FRY: variants seen among roughly 807,000 people sequenced by gnomAD.
The protein encoded by FRY is protein furry homolog.
In FRY, 128 loss-of-function variants were observed where a neutral mutation model predicts 348.4. The observed-to-expected ratio is 0.37, with a 90% CI of 0.32 to 0.43. The LOEUF (loss-of-function observed/expected upper bound fraction) is 0.43, where lower values mean the gene tolerates loss of function less well. Among genes scored for constraint, FRY ranks in the 20% least tolerant of loss-of-function variants. The pLI, the probability that FRY is intolerant of heterozygous loss-of-function variation, is 1.00. For synonymous variants in FRY, 1,370 were observed against 1,374.7 expected, an observed-to-expected ratio of 1.00 and a Z score of 0.08; for missense variants, 2,736 against 3,695.2, an observed-to-expected ratio of 0.74 and a Z score of 6.73.
chr13:32,212,500 T>G (rs756576125), intron 35 of FRY, 118 bp downstream of exon 35: 243 of 705,676 alleles, frequency 3.4e-4, no homozygotes, highest in Non-Finnish European at 4.0e-4. Context: ...AATCCTTCTT[T>G]GTTTTTAGAA....
chr13:32,200,355 A>G (rs1398446353), intron 29 of FRY, among the ~76,000 whole-genome samples: 3 of 152,244 alleles, frequency 2.0e-5, no homozygotes, highest in Admixed American at 6.5e-5. Context: ...TTCACCTTCA[A>G]ACTATCTTTT....
chr13:32,211,497 G>A (rs1006622167), intron 34 of FRY, among the ~76,000 whole-genome samples: 1 of 152,026 alleles, frequency 6.6e-6, no homozygotes, highest in Non-Finnish European at 1.5e-5. Flanking sequence ...GGGATCATAG[G>A]GTTAATGAAA....
At chr13:32,139,714 C>T (rs1879941711) in intron 11 of FRY, among the ~76,000 whole-genome samples, 1 of 152,168 alleles carries the variant, frequency 6.6e-6, no homozygotes, top group African/African-American at 2.4e-5. Flanking sequence ...AGCACCTTTT[C>T]ACTGAGACAT....
chr13:32,176,755 T>C (rs1404543787), intron 20 of FRY, among the ~76,000 whole-genome samples: 2 of 152,230 alleles, frequency 1.3e-5, no homozygotes, highest in Non-Finnish European at 2.9e-5. Context: ...AGCTCAGCAA[T>C]ACTGCAGTTA....
chr13:32,078,742 A>T, intron 1 of FRY, 92 bp from the exon 2 acceptor site: 2 of 965,542 alleles, frequency 2.1e-6, no homozygotes, highest in Non-Finnish European at 3.4e-6. Context: ...TCTTGATATG[A>T]TTCATATCCT....
chr13:32,047,361 A>C (rs1873076393), intron 1 of FRY, among the ~76,000 whole-genome samples: 1 of 152,158 alleles, frequency 6.6e-6, no homozygotes, highest in South Asian at 2.1e-4. Flanking sequence ...TGAGGATCTG[A>C]ACTTTACCAC....
chr13:32,257,843 T>A, intron 51 of FRY: 1 of 809,768 alleles, frequency 1.2e-6, no homozygotes, highest in Admixed American at 1.9e-5. Context: ...GAAGTGTATA[T>A]TGTTAGCACT....
intron 39 of FRY, among the ~76,000 whole-genome samples, chr13:32,227,390 A>G (rs931836259): frequency 1.3e-5 from 2 of 152,212 alleles, no homozygotes; most frequent in East Asian, 1.9e-4. Flanking sequence ...AGGCTACACT[A>G]TAAGTGGCAG....
At chr13:32,079,532 C>A (rs1875340850) in intron 2 of FRY, among the ~76,000 whole-genome samples, 1 of 152,178 alleles carries the variant, frequency 6.6e-6, no homozygotes. Context: ...AGAAATACCA[C>A]TTCCATTTCT....
Position 32,271,493 on chromosome 13 carries a change from C to T in FRY, c.8137-3349C>T, listed in dbSNP as rs971606868. ...GGCATGTTCTTTGTGGCCCTGGCCC[C>T]GCCACAGAGACTGGATCCTCTGGTG... On this transcript the variant is annotated intron_variant, in intron 55 of 60. Coordinates refer to ENST00000542859, the MANE Select transcript of FRY (RefSeq NM_023037.3). 5.9e-5 allele frequency among the ~76,000 whole-genome samples: 9 copies of T among 152,162 alleles called. No individual in the cohort carries two copies. The South Asian group carries it at 1.5e-3, about 25-fold the overall frequency.
At chr13:32,160,463 T>A (rs1361954169) in intron 16 of FRY, among the ~76,000 whole-genome samples, 2 of 152,194 alleles carry the variant, frequency 1.3e-5, no homozygotes, top group Non-Finnish European at 1.5e-5. Context: ...ACACAAAATA[T>A]ATATTTCTCC....
At position 32,254,153 on chromosome 13, in the gene FRY, A is replaced by T. The variant is rs1184329737; in HGVS notation, c.7246-71A>T. On this transcript the variant is annotated intron_variant, in intron 50 of 60. Transcript: ENST00000542859. Reference sequence around the variant, plus strand: ...TGGAAATACGGTGCTATGAAGAGCCAATTACAATTTTTCGTAGCACAAACA... The same window carrying T: ...TGGAAATACGGTGCTATGAAGAGCCTATTACAATTTTTCGTAGCACAAACA... 2.1e-6 allele frequency: 3 copies of T among 1,411,320 alleles called. No homozygotes were observed. In the Admixed American group the frequency reaches 5.0e-5, roughly 24 times the overall value. The allele number at this position is 1,411,320 out of a possible 1,614,324, so 87.4% of individuals were successfully genotyped here.
chr13:32,124,910 G>A (rs746317905), intron 7 of FRY, 35 bp downstream of exon 7: 30 of 1,457,156 alleles, frequency 2.1e-5, no homozygotes, highest in Admixed American at 1.3e-4. Context: ...CCATGAGAAC[G>A]TGCGTGCTTT....
intron 11 of FRY, among the ~76,000 whole-genome samples, chr13:32,143,107 T>A (rs1310860344): frequency 1.3e-5 from 2 of 152,202 alleles, no homozygotes; most frequent in African/African-American, 4.8e-5. Context: ...AGGCAGGAAG[T>A]GGTACAAGGG....
At chr13:32,206,419 C>T (rs376140765) in intron 31 of FRY, among the ~76,000 whole-genome samples, 5 of 152,266 alleles carry the variant, frequency 3.3e-5, no homozygotes, top group South Asian at 4.1e-4. Flanking sequence ...TCTTGAGTTT[C>T]GAGATTCATT....
At chr13:32,186,159 A>C in intron 26 of FRY, 101 bp from the exon 27 acceptor site, 2 of 928,448 alleles carry the variant, frequency 2.2e-6, no homozygotes, top group Non-Finnish European at 3.5e-6. Flanking sequence ...ACTGTAGTTA[A>C]AAAATGAAGT....
At chr13:32,170,880 A>G in intron 17 of FRY, 132 bp from the exon 18 acceptor site, 1 of 730,898 alleles carries the variant, frequency 1.4e-6, no homozygotes, top group Admixed American at 2.2e-5. Flanking sequence ...TCATTTACTA[A>G]GCAAAAAATA....
At chr13:32,130,451 T>TG (rs1344168039) in intron 7 of FRY, among the ~76,000 whole-genome samples, 4 of 135,894 alleles carry the variant, frequency 2.9e-5, no homozygotes, top group South Asian at 2.6e-4. Flanking sequence ...TTGGAAAGTG[T>TG]TTGTGTGTGT....
chr13:32,161,192 T>C lies in FRY; in HGVS notation c.1833T>C (p.Ala611=). 1 of 1,613,722 alleles carries C rather than the reference T, an allele frequency of 6.2e-7. No homozygotes were observed. Among genetic ancestry groups the C allele is most frequent in the Non-Finnish European group, 8.5e-7 (1 of 1,179,614 alleles). The stretch of plus-strand genomic sequence containing the variant: ...ATCTTTTCAGGACCTGTGTTGCTGC[T>C]ATTCCTCGACTGCTTCCTGATGGGA... ...KIDLFRTCVA[A]IPRLLPDGMS... Residue 611 remains alanine, a synonymous_variant, in exon 17 of 61, where the codon GCT becomes GCC. Transcript: ENST00000542859.
Sources: gnomAD v4.1 joint callset for allele counts (sites outside exome capture counted in the v4.1 genomes callset) on GRCh38, gnomAD v4.1.1 for gene constraint, MANE v1.5 for transcripts, NCBI Gene and HGNC (gene_info 2026-07-23, HGNC 2026-07-21) for gene names.